Variants in PCDH19 observed in about 807,000 individuals in gnomAD.
The protein encoded by PCDH19 is protocadherin-19.
A neutral mutation model predicts 46.2 loss-of-function variants in PCDH19; 6 were observed. The observed-to-expected ratio is 0.13, with a 90% confidence interval of 0.07 to 0.26. The LOEUF (loss-of-function observed/expected upper bound fraction) is 0.26. PCDH19 is among the 10% of genes least tolerant of loss of function. PCDH19 has a pLI of 1.00. For synonymous variants in PCDH19, 481 were observed against 415.7 expected (o/e 1.16, Z -1.91); for missense variants, 740 against 972.3 (o/e 0.76, Z 3.18).
chrX:100,362,049 CA>C (rs1467354125), intron 3 of PCDH19, among the ~76,000 whole-genome samples: 1 of 111,581 alleles, frequency 9.0e-6, no homozygotes, highest in Non-Finnish European at 1.9e-5. Flanking sequence ...ACTTAACTTT[CA>C]AAAAACAAAA....
chrX:100,403,448 TCACCCC>T, intron 2 of PCDH19, 70 bp downstream of exon 2: 1 of 1,065,923 alleles, frequency 9.4e-7, no homozygotes, highest in Non-Finnish European at 1.3e-6. Flanking sequence ...TCCCTTTTAC[TCACCCC>T]CCGACCCCCT....
chrX:100,296,142 C>T lies in PCDH19; in HGVS notation c.*135G>A, dbSNP rs1474483442. On this transcript the variant is annotated 3_prime_UTR_variant, in exon 6 of 6. Transcript: ENST00000373034. ...GGGACTGTCACAGAATGATAATCAC[C>T]TATAAACAATACATTTAGGAAAAGC... The T allele has an allele frequency of 5.4e-6, 3 of 557,727 alleles. No homozygotes were observed. In the African/African-American group the frequency reaches 6.8e-5, roughly 13 times the overall value. The allele number at this position is 557,727 out of a possible 1,213,427, so 46.0% of individuals were successfully genotyped here.
intron 5 of PCDH19, among the ~76,000 whole-genome samples, chrX:100,328,577 A>G (rs1217783972): frequency 1.8e-5 from 2 of 111,537 alleles, no homozygotes; most frequent in Non-Finnish European, 3.8e-5. Flanking sequence ...ACACCAAAGG[A>G]GGAGGCAGAC....
chrX:100,394,385 C>G (rs1429449594), intron 3 of PCDH19, among the ~76,000 whole-genome samples: 2 of 112,127 alleles, frequency 1.8e-5, no homozygotes, highest in East Asian at 5.6e-4. Flanking sequence ...CCTCCCCAAA[C>G]ACTGAATTTA....
intron 3 of PCDH19, among the ~76,000 whole-genome samples, chrX:100,354,795 G>T (rs1926666316): frequency 9.0e-6 from 1 of 110,553 alleles, no homozygotes; most frequent in African/African-American, 3.3e-5. Context: ...CAAACAACAT[G>T]AAACATTTGA....
chrX:100,348,957 G>A (rs1462981317), intron 4 of PCDH19, among the ~76,000 whole-genome samples: 3 of 101,312 alleles, frequency 3.0e-5, no homozygotes, highest in Non-Finnish European at 6.0e-5. Context: ...GTGGGGGGTG[G>A]GGGGGAGGGG....
chrX:100,326,689 A>C (rs1001167265), intron 5 of PCDH19, among the ~76,000 whole-genome samples: 1 of 112,070 alleles, frequency 8.9e-6, no homozygotes, highest in African/African-American at 3.2e-5. Flanking sequence ...AATGTAAATG[A>C]ACACAACCTC....
At chrX:100,363,173 G>A (rs889300273) in intron 3 of PCDH19, among the ~76,000 whole-genome samples, 2 of 110,162 alleles carry the variant, frequency 1.8e-5, no homozygotes, top group Non-Finnish European at 3.8e-5. Flanking sequence ...GCGTAGTGGC[G>A]CATGCCTGTA....
At chrX:100,396,209 A>G (rs554374127) in intron 3 of PCDH19, among the ~76,000 whole-genome samples, 5 of 112,199 alleles carry the variant, frequency 4.5e-5, no homozygotes, top group African/African-American at 1.6e-4. Context: ...CACTGCCACA[A>G]TTGAAAGACT....
At chrX:100,403,392 A>G in intron 2 of PCDH19, 132 bp downstream of exon 2, 1 of 597,722 alleles carries the variant, frequency 1.7e-6, no homozygotes, top group Non-Finnish European at 2.7e-6. Context: ...ATCAGACCCC[A>G]TTCTTTCGCG....
At chrX:100,376,249 A>G (rs761155729) in intron 3 of PCDH19, among the ~76,000 whole-genome samples, 19 of 91,062 alleles carry the variant, frequency 2.1e-4, no homozygotes, top group East Asian at 1.5e-3. Flanking sequence ...AAAAAAAAAA[A>G]AAAAAGAAAA....
At chrX:100,351,850 T>A (rs1361899136) in intron 3 of PCDH19, among the ~76,000 whole-genome samples, 1 of 112,095 alleles carries the variant, frequency 8.9e-6, no homozygotes, top group Non-Finnish European at 1.9e-5. Context: ...CACAGTTTGA[T>A]GGAGAAGAAA....
At chrX:100,312,169 G>C (rs745393169) in intron 5 of PCDH19, among the ~76,000 whole-genome samples, 2 of 110,601 alleles carry the variant, frequency 1.8e-5, no homozygotes, top group Non-Finnish European at 3.8e-5. Context: ...GGATGGGAGA[G>C]CAAGACTGAT....
rs901824538 is a variant in PCDH19, at chrX:100,323,961, G to A, written c.2848+17942C>T. On this transcript the variant is annotated intron_variant, in intron 5 of 5. Coordinates refer to ENST00000373034, the MANE Select transcript of PCDH19 (RefSeq NM_001184880.2). ...AGGAGGAAGAAGATAGGGGAAAGGA[G>A]TTTATATAGTAAAGTTAGCAGTTTA... Among the ~76,000 whole-genome samples, 4 of 111,300 alleles carry A rather than the reference G, an allele frequency of 3.6e-5. No homozygotes were observed. In the Middle Eastern group the frequency reaches 0.014, roughly 388 times the overall value.
rs989860995 is a variant in PCDH19, at chrX:100,292,931, C to T, written c.*3346G>A. 4 of 111,683 alleles carry T rather than the reference C, an allele frequency of 3.6e-5. No individual in the cohort carries two copies. The highest frequency in any genetic ancestry group is 7.5e-5 in the Non-Finnish European group (4 of 53,173). The allele number at this position is 111,683 out of a possible 1,213,427, so 9.2% of individuals were successfully genotyped here. ...TGGATTGGAATTCCAGCCAGAACTG[C>T]TATTATGTACAATAATAATCCTTTT... On this transcript the variant is annotated 3_prime_UTR_variant, in exon 6 of 6. Coordinates refer to ENST00000373034, the MANE Select transcript of PCDH19 (RefSeq NM_001184880.2).
Position 100,350,640 on chromosome X carries a change from A to G in PCDH19, c.2675+6T>C. On this transcript the variant is annotated splice_donor_region_variant and intron_variant, in intron 4 of 5. Coordinates refer to ENST00000373034, the MANE Select transcript of PCDH19 (RefSeq NM_001184880.2). ...GTTGCAGCAATAAGCAAGCAAACCA[A>G]CATACCTCTTGATTAAATGGGCTCG... The G allele has an allele frequency of 4.3e-6, 5 of 1,167,103 alleles. No homozygotes were observed. The highest frequency in any genetic ancestry group is 3.6e-5 in the South Asian group (2 of 55,893).
intron 1 of PCDH19, among the ~76,000 whole-genome samples, chrX:100,404,695 T>C (rs1928294335): frequency 9.1e-6 from 1 of 110,059 alleles, no homozygotes; most frequent in Non-Finnish European, 1.9e-5. Flanking sequence ...CTCTCACTTC[T>C]AGTCATACAT....
chrX:100,301,567 G>A (rs1048435892), intron 5 of PCDH19, among the ~76,000 whole-genome samples: 12 of 112,196 alleles, frequency 1.1e-4, no homozygotes, highest in African/African-American at 3.9e-4. Flanking sequence ...GTGTATATCA[G>A]ACAAGCTTCC....
intron 3 of PCDH19, among the ~76,000 whole-genome samples, chrX:100,389,050 T>C (rs188445534): frequency 9.0e-6 from 1 of 111,530 alleles, no homozygotes; most frequent in Admixed American, 9.6e-5. Context: ...TATTGGGGTG[T>C]TTGTCTTTTC....
Sources: allele counts gnomAD v4.1 joint callset (sites outside exome capture counted in the v4.1 genomes callset), GRCh38; gene constraint gnomAD v4.1.1; transcripts MANE v1.5; gene names NCBI Gene and HGNC (gene_info 2026-07-23, HGNC 2026-07-21).